The following SYNPO2 variants were observed in gnomAD, a reference collection of about 807,000 sequenced individuals.
SYNPO2 encodes synaptopodin-2.
SYNPO2 carries 56 observed loss-of-function variants against 85.0 expected under a neutral mutation model. That is an observed-to-expected ratio of 0.66 (90% CI 0.53 to 0.82). The LOEUF is 0.82. Among genes scored for constraint, SYNPO2 ranks in the 40% least tolerant of loss-of-function variants. SYNPO2 has a pLI of 0.00. For missense variants in SYNPO2, 1,575 were observed against 1,534.2 expected (o/e 1.03, Z -0.44); for synonymous variants, 602 against 591.1 (o/e 1.02, Z -0.27).
At chr4:118,958,292 G>A (rs1387741430) in intron 1 of SYNPO2, among the ~76,000 whole-genome samples, 1 of 152,136 alleles carries the variant, frequency 6.6e-6, no homozygotes, top group Non-Finnish European at 1.5e-5. Flanking sequence ...TGGGGGCGGG[G>A]TGATTTAGCC....
At chr4:118,975,708 G>A (rs1048170921) in intron 1 of SYNPO2, among the ~76,000 whole-genome samples, 7 of 152,212 alleles carry the variant, frequency 4.6e-5, no homozygotes, top group Admixed American at 6.5e-5. Flanking sequence ...CAAGGCAGAA[G>A]CCTAATCATC....
At chr4:118,975,398 G>A (rs1172124993) in intron 1 of SYNPO2, among the ~76,000 whole-genome samples, 1 of 152,198 alleles carries the variant, frequency 6.6e-6, no homozygotes, top group African/African-American at 2.4e-5. Flanking sequence ...CAAGCTTTAA[G>A]AGTGGGAATA....
intron 1 of SYNPO2, among the ~76,000 whole-genome samples, chr4:118,954,493 G>C (rs1030436324): frequency 6.6e-6 from 1 of 152,112 alleles, no homozygotes; most frequent in Non-Finnish European, 1.5e-5. Flanking sequence ...CCAAAAATGG[G>C]CATTTCAGTT....
intron 1 of SYNPO2, among the ~76,000 whole-genome samples, chr4:118,894,424 G>A (rs1056843020): frequency 6.6e-6 from 1 of 152,146 alleles, no homozygotes; most frequent in African/African-American, 2.4e-5. Context: ...TTACTGTAAA[G>A]ATCAGGGGAA....
rs1739382232 is a variant in SYNPO2 at position 119,060,639 on chromosome 4, A to G, written c.*2705A>G. Reference sequence around the variant, plus strand: ...AAGAGCCGTTGCTTTGAAAATACATACCACATTTGTTATAAAGCATTTGTT... The same window carrying G: ...AAGAGCCGTTGCTTTGAAAATACATGCCACATTTGTTATAAAGCATTTGTT... On this transcript the variant is annotated 3_prime_UTR_variant, in exon 5 of 5. Transcript: ENST00000307142. 1 of 152,162 alleles carries G rather than the reference A, an allele frequency of 6.6e-6. No individual in the cohort carries two copies. Among genetic ancestry groups the G allele is most frequent in the South Asian group, 2.1e-4 (1 of 4,834 alleles). 9.4% of individuals were successfully genotyped at this position (152,162 alleles called of 1,614,324 possible).
At chr4:119,004,514 G>A (rs13112371) in intron 1 of SYNPO2, among the ~76,000 whole-genome samples, 125,535 of 146,448 alleles carry the variant, frequency 0.86, 53,997 homozygotes, top group South Asian at 0.93. Context: ...GCTGAGAATG[G>A]TGGTTTCCAG....
chr4:118,891,965 T>G (rs1407781161), intron 1 of SYNPO2, among the ~76,000 whole-genome samples: 2 of 152,086 alleles, frequency 1.3e-5, no homozygotes, highest in African/African-American at 4.8e-5. Context: ...CATATTTAGG[T>G]TTTTCATAAT....
At chr4:118,856,548 CT>C (rs1444856881) in intron 1 of SYNPO2, among the ~76,000 whole-genome samples, 1 of 151,612 alleles carries the variant, frequency 6.6e-6, no homozygotes, top group African/African-American at 2.4e-5. Flanking sequence ...TGTTTATTGA[CT>C]TTTTTTTGAG....
At chr4:119,053,914 A>G (rs1739128708) in intron 4 of SYNPO2, among the ~76,000 whole-genome samples, 1 of 152,156 alleles carries the variant, frequency 6.6e-6, no homozygotes, top group East Asian at 1.9e-4. Flanking sequence ...CCTCACCGAG[A>G]TTTCTGTAAA....
intron 1 of SYNPO2, among the ~76,000 whole-genome samples, chr4:118,975,977 C>T (rs1412842588): frequency 1.3e-5 from 2 of 152,174 alleles, no homozygotes; most frequent in South Asian, 2.1e-4. Context: ...ATAAAAGTGC[C>T]GGCTATGGAG....
intron 4 of SYNPO2, chr4:119,035,230 C>A (rs1240486782): frequency 9.1e-6 from 9 of 985,284 alleles, no homozygotes; most frequent in Middle Eastern, 5.2e-4. Context: ...ATGTGTCAAA[C>A]CTCTCTTCCT....
intron 4 of SYNPO2, among the ~76,000 whole-genome samples, chr4:119,055,430 C>A (rs1406623531): frequency 6.6e-6 from 1 of 152,218 alleles, no homozygotes; most frequent in Non-Finnish European, 1.5e-5. Flanking sequence ...GTTGGGATTA[C>A]AGGCGTGAGC....
intron 1 of SYNPO2, among the ~76,000 whole-genome samples, chr4:119,016,202 A>G (rs951269513): frequency 2.6e-5 from 4 of 152,206 alleles, no homozygotes; most frequent in African/African-American, 7.2e-5. Context: ...TATGTCCAGT[A>G]TACGAGGTCA....
chr4:119,018,467 T>C (rs1009630628), intron 1 of SYNPO2, among the ~76,000 whole-genome samples: 1 of 152,096 alleles, frequency 6.6e-6, no homozygotes, highest in Non-Finnish European at 1.5e-5. Context: ...TAACCAGCAA[T>C]GGGATTGCTG....
intron 1 of SYNPO2, among the ~76,000 whole-genome samples, chr4:118,980,150 A>T (rs182764098): frequency 2.2e-3 from 328 of 152,338 alleles, no homozygotes; most frequent in Non-Finnish European, 3.6e-3. Context: ...TAATAATGAC[A>T]TATATACCCA....
intron 4 of SYNPO2, among the ~76,000 whole-genome samples, chr4:119,054,346 C>T (rs568667946): frequency 3.9e-4 from 60 of 152,218 alleles, no homozygotes; most frequent in Non-Finnish European, 7.8e-4. Flanking sequence ...TCCGTGAGGG[C>T]AAAGGGCCGG....
intron 1 of SYNPO2, among the ~76,000 whole-genome samples, chr4:118,892,882 A>G (rs1472173336): frequency 6.6e-6 from 1 of 152,138 alleles, no homozygotes; most frequent in Admixed American, 6.6e-5. Flanking sequence ...CTATTATTGG[A>G]TATGTGTTCT....
chr4:119,017,010 A>G (rs1459054), intron 1 of SYNPO2, among the ~76,000 whole-genome samples: 27,208 of 152,130 alleles, frequency 0.18, 2,580 homozygotes, highest in Non-Finnish European at 0.2. Context: ...CAATTATCCA[A>G]AAGAAAACGT....
chr4:119,019,376 A>T (rs1737632714), intron 1 of SYNPO2, among the ~76,000 whole-genome samples: 1 of 152,178 alleles, frequency 6.6e-6, no homozygotes, highest in East Asian at 1.9e-4. Flanking sequence ...CTAATATATT[A>T]TATGTAGAAT....
Sources: allele counts gnomAD v4.1 joint callset (sites outside exome capture counted in the v4.1 genomes callset), GRCh38; gene constraint gnomAD v4.1.1; transcripts MANE v1.5; gene names NCBI Gene and HGNC (gene_info 2026-07-23, HGNC 2026-07-21).